The following VPS13A variants were observed in gnomAD, a reference collection of about 807,000 sequenced individuals.
VPS13A encodes the protein intermembrane lipid transfer protein VPS13A.
Under a neutral mutation model 390.9 loss-of-function variants are expected in VPS13A, and 264 were observed. The ratio of observed to expected loss-of-function variants is 0.68; its 90% confidence interval spans 0.61 to 0.75. The LOEUF (loss-of-function observed/expected upper bound fraction) is 0.75, where lower values mean the gene tolerates loss of function less well. Ranked by LOEUF, VPS13A falls within the 30% of genes least tolerant of loss-of-function variation. The probability of loss-of-function intolerance (pLI) is 0.00; values close to 1 mark genes in which losing one functional copy is unlikely to be tolerated. For synonymous variants in VPS13A, 1,231 were observed against 1,227.1 expected (o/e 1.00, Z -0.07); for missense variants, 3,409 against 3,733.9 (o/e 0.91, Z 2.27).
intron 1 of VPS13A, among the ~76,000 whole-genome samples, chr9:77,182,751 A>AT (rs897395392): frequency 3.8e-4 from 57 of 151,548 alleles, no homozygotes; most frequent in East Asian, 5.8e-4. Context: ...CAAATTTGTA[A>AT]TTTTTTTTTG....
At chr9:77,301,087 T>A (rs1828322325) in intron 33 of VPS13A, among the ~76,000 whole-genome samples, 1 of 152,236 alleles carries the variant, frequency 6.6e-6, no homozygotes, top group African/African-American at 2.4e-5. Context: ...TGGGTAGTAC[T>A]GATAAGAAAA....
intron 3 of VPS13A, among the ~76,000 whole-genome samples, chr9:77,204,027 A>T (rs544701534): frequency 1.3e-5 from 2 of 152,282 alleles, no homozygotes; most frequent in Non-Finnish European, 2.9e-5. Context: ...GTGACTCTAC[A>T]AAAAATATAA....
At chr9:77,220,808 C>T (rs1823168921) in intron 12 of VPS13A, among the ~76,000 whole-genome samples, 1 of 151,986 alleles carries the variant, frequency 6.6e-6, no homozygotes, top group South Asian at 2.1e-4. Context: ...CATTTTAAAA[C>T]TCAAAAGTCT....
chr9:77,310,028 A>G (rs993453849), intron 35 of VPS13A, among the ~76,000 whole-genome samples: 1 of 152,188 alleles, frequency 6.6e-6, no homozygotes, highest in Admixed American at 6.6e-5. Context: ...ATTCTAAGGA[A>G]AGTGGTTTTT....
intron 1 of VPS13A, among the ~76,000 whole-genome samples, chr9:77,191,216 T>G (rs936893651): frequency 3.3e-5 from 5 of 152,122 alleles, no homozygotes; most frequent in African/African-American, 1.2e-4. Context: ...ATTAGCTATG[T>G]CCCAGAGATT....
intron 19 of VPS13A, among the ~76,000 whole-genome samples, chr9:77,244,181 T>C (rs564323446): frequency 1.8e-4 from 28 of 152,092 alleles, no homozygotes; most frequent in Non-Finnish European, 3.7e-4. Flanking sequence ...AGGGCTGCAG[T>C]GAGCTATGAT....
intron 15 of VPS13A, among the ~76,000 whole-genome samples, 196 bp downstream of exon 15, chr9:77,226,794 A>G (rs1319327575): frequency 6.6e-6 from 1 of 152,102 alleles, no homozygotes; most frequent in Non-Finnish European, 1.5e-5. Context: ...AAATCATGCT[A>G]GTGCTTACAA....
chr9:77,193,629 C>G (rs1477799748), intron 1 of VPS13A, among the ~76,000 whole-genome samples: 4 of 152,078 alleles, frequency 2.6e-5, no homozygotes, highest in African/African-American at 4.8e-5. Context: ...GCAAAACTCT[C>G]TCTTCAAAAA....
intron 46 of VPS13A, among the ~76,000 whole-genome samples, chr9:77,334,108 A>C (rs1032138873): frequency 6.6e-6 from 1 of 152,200 alleles, no homozygotes; most frequent in African/African-American, 2.4e-5. Context: ...TGGAGATTAG[A>C]AGGAAAAGGC....
At chr9:77,393,577 G>A (rs1833989296) in intron 68 of VPS13A, among the ~76,000 whole-genome samples, 1 of 152,128 alleles carries the variant, frequency 6.6e-6, no homozygotes, top group African/African-American at 2.4e-5. Context: ...TGATCCATGG[G>A]GGCTGTAGAA....
intron 8 of VPS13A, 84 bp from the exon 9 acceptor site, chr9:77,213,150 A>T: frequency 6.5e-7 from 1 of 1,529,474 alleles, no homozygotes; most frequent in South Asian, 1.1e-5. Context: ...GATATGGCTC[A>T]CTTAATTATT....
At chr9:77,222,948 C>T (rs992233221) in intron 13 of VPS13A, among the ~76,000 whole-genome samples, 20 of 152,124 alleles carry the variant, frequency 1.3e-4, no homozygotes, top group South Asian at 1.0e-3. Context: ...TTGTTCAAAC[C>T]GTGTTCAAAT....
Position 77,282,153 on chromosome 9 carries a change from C to T in VPS13A, c.2997C>T (p.His999=), listed in dbSNP as rs1827064208. Residue 999 remains histidine (H), a synonymous_variant, in exon 29 of 72, where the codon CAC becomes CAT. Transcript: ENST00000360280. Reference sequence around the variant, plus strand: ...TTTCCTCTTTGGATATTCATTTACACACTGAAGCACTTCTGAATACAATAA... The same window carrying T: ...TTTCCTCTTTGGATATTCATTTACATACTGAAGCACTTCTGAATACAATAA... ...VNFSSLDIHL[H]TEALLNTINY... is the part of the protein sequence containing the mutation. 3.1e-6 allele frequency: 5 copies of T among 1,613,224 alleles called. No homozygotes were observed. The highest frequency in any genetic ancestry group is 2.7e-5 in the African/African-American group (2 of 74,872).
At chr9:77,194,810 C>T (rs1406701546) in intron 1 of VPS13A, among the ~76,000 whole-genome samples, 1 of 152,010 alleles carries the variant, frequency 6.6e-6, no homozygotes, top group East Asian at 1.9e-4. Flanking sequence ...TCAGTGCCTT[C>T]CTTCCAAAGA....
intron 23 of VPS13A, among the ~76,000 whole-genome samples, chr9:77,265,424 C>A (rs1184299172): frequency 6.6e-6 from 1 of 152,046 alleles, no homozygotes; most frequent in African/African-American, 2.4e-5. Flanking sequence ...TCTATCTGGT[C>A]GTGGGCTTTT....
rs1831001082 is a variant in VPS13A, at chr9:77,344,140, A to G, written c.7027-13A>G. ...CTGTTTATTTTTATAAACATATATA[A>G]TGTATATTTTAGTGTATCCCCTTTT... On this transcript the variant is annotated splice_polypyrimidine_tract_variant and intron_variant, in intron 50 of 71. Transcript: ENST00000360280. 1 of 1,558,068 alleles carries G rather than the reference A, an allele frequency of 6.4e-7. No homozygotes were observed. The highest frequency in any genetic ancestry group is 8.8e-7 in the Non-Finnish European group (1 of 1,130,878).
intron 7 of VPS13A, 76 bp downstream of exon 7, chr9:77,210,751 G>C (rs1164221061): frequency 1.7e-5 from 24 of 1,441,342 alleles, no homozygotes; most frequent in Non-Finnish European, 2.1e-5. Context: ...ATTTGTATAT[G>C]CCAGCATCAG....
chr9:77,194,564 C>G (rs1377032042), intron 1 of VPS13A, among the ~76,000 whole-genome samples: 1 of 152,126 alleles, frequency 6.6e-6, no homozygotes, highest in Non-Finnish European at 1.5e-5. Flanking sequence ...CTGTTTCTGC[C>G]AACTTCCCAA....
chr9:77,388,755 C>T (rs1833791184), intron 68 of VPS13A, among the ~76,000 whole-genome samples: 1 of 152,062 alleles, frequency 6.6e-6, no homozygotes, highest in African/African-American at 2.4e-5. Context: ...TAAGTATACC[C>T]AGTTTGTCGT....
Sources: allele counts gnomAD v4.1 joint callset (sites outside exome capture counted in the v4.1 genomes callset), GRCh38; gene constraint gnomAD v4.1.1; transcripts MANE v1.5; gene names NCBI Gene and HGNC (gene_info 2026-07-23, HGNC 2026-07-21).